Variants in AUTS2 observed in about 807,000 individuals in gnomAD.
AUTS2 encodes activator of transcription and developmental regulator AUTS2, also known as autism susceptibility gene 2 protein.
In AUTS2, 17 loss-of-function variants were observed where a neutral mutation model predicts 112.4. The ratio of observed to expected loss-of-function variants is 0.15; its 90% CI spans 0.10 to 0.23. The LOEUF is 0.23. AUTS2 is among the 10% of genes least tolerant of loss of function. The pLI is 1.00. For synonymous variants in AUTS2, 751 were observed against 702.7 expected (o/e 1.07, Z -1.09); for missense variants, 1,510 against 1,701.6 (o/e 0.89, Z 1.98).
At chr7:70,317,156 T>C (rs993166495) in intron 4 of AUTS2, 5 of 152,176 alleles carry the variant, frequency 3.3e-5, no homozygotes, top group Non-Finnish European at 7.3e-5. Flanking sequence ...TTTATCTTTT[T>C]CTCTTTTTTT....
At chr7:70,712,064 G>A (rs139078281) in intron 6 of AUTS2, among the ~76,000 whole-genome samples, 2,783 of 150,888 alleles carry the variant, frequency 0.018, 73 homozygotes, top group African/African-American at 0.057. Flanking sequence ...TCACTCTGTC[G>A]CCCAGGCTGG....
Position 69,894,122 on chromosome 7 carries a change from T to C in AUTS2, c.310-5164T>C, listed in dbSNP as rs921576973. Among the ~76,000 whole-genome samples the C allele has an allele frequency of 7.9e-5, 12 of 152,252 alleles. No individual in the cohort carries two copies. The South Asian group carries it at 2.5e-3, about 32-fold the overall frequency. On this transcript the variant is annotated intron_variant, in intron 1 of 18. Transcript: ENST00000342771. ...CATCTGTTGTGCATGGCTTGTACAC[T>C]TACCCCCTCTATTGACAGCCAATAT...
At chr7:70,573,362 C>G (rs1280835965) in intron 5 of AUTS2, among the ~76,000 whole-genome samples, 1 of 152,220 alleles carries the variant, frequency 6.6e-6, no homozygotes, top group African/African-American at 2.4e-5. Flanking sequence ...TAGGCCCACT[C>G]AAGCAAAGGA....
intron 4 of AUTS2, among the ~76,000 whole-genome samples, chr7:70,230,102 T>C (rs1035183756): frequency 6.6e-6 from 1 of 151,800 alleles, no homozygotes; most frequent in Non-Finnish European, 1.5e-5. Context: ...TTTTTTTTCC[T>C]TTTGGAATGG....
chr7:70,730,960 A>G (rs1787349444), intron 6 of AUTS2, among the ~76,000 whole-genome samples: 1 of 152,158 alleles, frequency 6.6e-6, no homozygotes, highest in African/African-American at 2.4e-5. Flanking sequence ...GTAATATTTG[A>G]TTGTGGGTTG....
At chr7:69,693,914 G>A (rs1313592231) in intron 1 of AUTS2, among the ~76,000 whole-genome samples, 1 of 152,168 alleles carries the variant, frequency 6.6e-6, no homozygotes, top group East Asian at 1.9e-4. Context: ...ATTTTAATAC[G>A]CTGTGTAGGG....
chr7:70,383,399 T>TAA (rs1357396996), intron 4 of AUTS2, among the ~76,000 whole-genome samples: 2 of 152,066 alleles, frequency 1.3e-5, no homozygotes, highest in East Asian at 3.9e-4. Context: ...TTTTAGCCTT[T>TAA]AAAAAAAACA....
At chr7:69,946,008 A>G (rs1295477431) in intron 2 of AUTS2, among the ~76,000 whole-genome samples, 1 of 151,814 alleles carries the variant, frequency 6.6e-6, no homozygotes, top group Non-Finnish European at 1.5e-5. Flanking sequence ...TGGCTGGCTG[A>G]TTTTTTATTC....
At chr7:69,728,680 C>CTTTTTTTTTTT (rs5884765) in intron 1 of AUTS2, among the ~76,000 whole-genome samples, 1 of 128,730 alleles carries the variant, frequency 7.8e-6, no homozygotes. Context: ...TTGCTTGTGG[C>CTTTTTTTTTTT]TTTTTTTTTT....
At chr7:69,656,213 T>C (rs1368568872) in intron 1 of AUTS2, among the ~76,000 whole-genome samples, 1 of 152,158 alleles carries the variant, frequency 6.6e-6, no homozygotes, top group Non-Finnish European at 1.5e-5. Context: ...AACAGTGACA[T>C]AGCTTCATTT....
chr7:70,345,914 A>C (rs553661580), intron 4 of AUTS2, among the ~76,000 whole-genome samples: 36 of 152,298 alleles, frequency 2.4e-4, no homozygotes, highest in Admixed American at 5.2e-4. Context: ...ATATCCAGAT[A>C]GTTGAGGTCC....
intron 4 of AUTS2, among the ~76,000 whole-genome samples, chr7:70,142,700 C>T (rs1389594225): frequency 1.3e-5 from 2 of 152,108 alleles, no homozygotes; most frequent in Non-Finnish European, 2.9e-5. Context: ...AGAGATGAAG[C>T]GGTAAAGGCT....
At chr7:69,604,027 C>T (rs987690790) in intron 1 of AUTS2, among the ~76,000 whole-genome samples, 2 of 152,170 alleles carry the variant, frequency 1.3e-5, no homozygotes, top group Non-Finnish European at 2.9e-5. Flanking sequence ...TCCTTTTGTA[C>T]AGCTGACCAA....
At chr7:70,364,017 C>T (rs116225758) in intron 4 of AUTS2, among the ~76,000 whole-genome samples, 134 of 152,302 alleles carry the variant, frequency 8.8e-4, no homozygotes, top group African/African-American at 3.0e-3. Context: ...GCACCTTACA[C>T]ATCATAGGAA....
intron 1 of AUTS2, among the ~76,000 whole-genome samples, chr7:69,718,668 C>T (rs1798751622): frequency 6.6e-6 from 1 of 152,168 alleles, no homozygotes; most frequent in South Asian, 2.1e-4. Flanking sequence ...CCATCTCCAA[C>T]CTTAATTCCC....
At position 69,984,230 on chromosome 7, in the gene AUTS2, C is replaced by T. The variant is rs377276612; in HGVS notation, c.522+84732C>T. ...CAGGAGATCGAGACCACGGTGAAAC[C>T]CCGTCTCTACTAAAAATACAAAAAA... On this transcript the variant is annotated intron_variant, in intron 2 of 18. Transcript: ENST00000342771. Among the ~76,000 whole-genome samples, 51 of 151,872 alleles carry T rather than the reference C, an allele frequency of 3.4e-4. No homozygotes were observed. In the South Asian group the frequency reaches 0.011, roughly 32 times the overall value.
At chr7:69,647,648 C>T (rs547767828) in intron 1 of AUTS2, among the ~76,000 whole-genome samples, 15 of 152,342 alleles carry the variant, frequency 9.8e-5, no homozygotes, top group African/African-American at 2.6e-4. Context: ...TGAGCCACCA[C>T]GCCCAGTCTC....
chr7:70,132,447 G>A (rs929603736), intron 3 of AUTS2, among the ~76,000 whole-genome samples: 1 of 152,162 alleles, frequency 6.6e-6, no homozygotes, highest in African/African-American at 2.4e-5. Context: ...CTGTCAGTTG[G>A]AAGGCAAGCC....
intron 1 of AUTS2, among the ~76,000 whole-genome samples, chr7:69,684,397 C>G (rs937518447): frequency 2.6e-5 from 4 of 152,140 alleles, no homozygotes; most frequent in African/African-American, 7.2e-5. Context: ...TGATGGATCT[C>G]TGCCCCGTTC....
Sources: allele counts gnomAD v4.1 joint callset (sites outside exome capture counted in the v4.1 genomes callset), GRCh38; gene constraint gnomAD v4.1.1; transcripts MANE v1.5; gene names NCBI Gene and HGNC (gene_info 2026-07-23, HGNC 2026-07-21).